The following CCDC83 variants were observed in gnomAD, a reference collection of about 807,000 sequenced individuals.
CCDC83 encodes the protein coiled-coil domain-containing protein 83.
CCDC83 carries 54 observed loss-of-function variants against 50.1 expected under a neutral mutation model. That is an observed-to-expected ratio of 1.08 (90% CI 0.87 to 1.35). CCDC83 has a LOEUF of 1.35. CCDC83 is among the 40% of genes most tolerant of loss of function. CCDC83 has a pLI of 0.00. For synonymous variants in CCDC83, 161 were observed against 153.3 expected (o/e 1.05, Z -0.37); for missense variants, 518 against 473.9 (o/e 1.09, Z -0.86).
Position 85,915,405 on chromosome 11 carries a change from AT to A in CCDC83, c.795-11del. On this transcript the variant is annotated splice_polypyrimidine_tract_variant and intron_variant, in intron 8 of 10. Coordinates refer to ENST00000342404, the MANE Select transcript of CCDC83 (RefSeq NM_001286159.2). Reference sequence around the variant, plus strand: ...TATTGACTGACAGATTGTTTTTCTCATTTGTTCTTTTAGGCGACTATATCTT... The same window carrying A: ...TATTGACTGACAGATTGTTTTTCTCATTGTTCTTTTAGGCGACTATATCTT... 6.3e-7 allele frequency: 1 copy of A among 1,592,858 alleles called. No individual in the cohort carries two copies. The highest frequency in any genetic ancestry group is 1.1e-5 in the South Asian group (1 of 89,104).
intron 3 of CCDC83, among the ~76,000 whole-genome samples, chr11:85,877,250 G>C (rs1459184549): frequency 1.3e-5 from 2 of 152,142 alleles, no homozygotes; most frequent in Non-Finnish European, 2.9e-5. Context: ...CAGGAGGATC[G>C]CTTGAGGCCA....
intron 2 of CCDC83, among the ~76,000 whole-genome samples, chr11:85,869,953 A>G (rs557742579): frequency 3.3e-5 from 5 of 152,272 alleles, no homozygotes; most frequent in African/African-American, 9.6e-5. Context: ...GAAGCTGCCA[A>G]AGCATTTAGG....
intron 3 of CCDC83, among the ~76,000 whole-genome samples, chr11:85,875,225 G>A (rs1296698897): frequency 1.3e-5 from 2 of 152,212 alleles, no homozygotes; most frequent in Non-Finnish European, 2.9e-5. Flanking sequence ...AATTAGGAAA[G>A]GGTAGGTATA....
In CCDC83 at chr11:85,895,100, C is replaced by G. The variant is rs114076660; in HGVS notation, c.512-193C>G. Among the ~76,000 whole-genome samples the G allele has an allele frequency of 3.6e-3, 520 of 143,774 alleles. 2 individuals are homozygous for G. The highest frequency in any genetic ancestry group is 0.013 in the African/African-American group (509 of 38,862). 94.3% of individuals were successfully genotyped at this position (143,774 alleles called of 152,430 possible). On this transcript the variant is annotated intron_variant, in intron 5 of 10. Coordinates refer to ENST00000342404, the MANE Select transcript of CCDC83 (RefSeq NM_001286159.2). Reference sequence around the variant, plus strand: ...CTTTCCTGGCCCAGGAAACATATGCCAAGAATAGTGGAAATCTAGTTAGAT... The same window carrying G: ...CTTTCCTGGCCCAGGAAACATATGCGAAGAATAGTGGAAATCTAGTTAGAT...
In CCDC83 at chr11:85,882,656, C is replaced by T; in HGVS notation, c.324C>T (p.Asp108=). 4 of 1,612,816 alleles carry T rather than the reference C, an allele frequency of 2.5e-6. No homozygotes were observed. The highest frequency in any genetic ancestry group is 3.4e-6 in the Non-Finnish European group (4 of 1,179,566). ...AMKEKWKFER[D]QEKNLRDMRM... ...AGGAAAAATGGAAGTTTGAAAGAGA[C>T]CAGGAAAAAAACTTGAGAGGTGATT... Residue 108 remains aspartate (D), a synonymous_variant, in exon 4 of 11, where the codon GAC becomes GAT. Coordinates refer to ENST00000342404, the MANE Select transcript of CCDC83 (RefSeq NM_001286159.2).
At chr11:85,908,669 G>A (rs1822952) in intron 7 of CCDC83, among the ~76,000 whole-genome samples, 4 of 151,348 alleles carry the variant, frequency 2.6e-5, no homozygotes, top group South Asian at 2.1e-4. Context: ...TCGGGAGGCC[G>A]AAGCAAGCAG....
At chr11:85,872,375 C>T (rs915595356) in intron 2 of CCDC83, among the ~76,000 whole-genome samples, 1 of 152,076 alleles carries the variant, frequency 6.6e-6, no homozygotes, top group East Asian at 1.9e-4. Flanking sequence ...ATCCCAGTTA[C>T]TCGGGAGGCT....
chr11:85,859,997 GAGA>G (rs952697372), intron 1 of CCDC83, among the ~76,000 whole-genome samples: 1 of 152,104 alleles, frequency 6.6e-6, no homozygotes, highest in African/African-American at 2.4e-5. Flanking sequence ...TTAAAAATAA[GAGA>G]AGGACAGGCT....
chr11:85,872,989 G>A (rs918935763), intron 2 of CCDC83, among the ~76,000 whole-genome samples: 3 of 143,810 alleles, frequency 2.1e-5, no homozygotes, highest in Non-Finnish European at 4.7e-5. Flanking sequence ...CATGAACAGG[G>A]ATTTTTTTTT....
chr11:85,859,558 C>T (rs1479108697), intron 1 of CCDC83, among the ~76,000 whole-genome samples: 2 of 152,132 alleles, frequency 1.3e-5, no homozygotes, highest in Non-Finnish European at 2.9e-5. Flanking sequence ...TCAATGATAA[C>T]AAACAATGGG....
intron 3 of CCDC83, among the ~76,000 whole-genome samples, chr11:85,882,167 T>A (rs1565141463): frequency 6.6e-6 from 1 of 151,998 alleles, no homozygotes; most frequent in East Asian, 1.9e-4. Flanking sequence ...TTCTAAAATG[T>A]CAGCCACCTT....
At chr11:85,915,626 C>T (rs894123124) in intron 9 of CCDC83, 128 bp downstream of exon 9, 2 of 633,668 alleles carry the variant, frequency 3.2e-6, no homozygotes, top group South Asian at 2.0e-5. Context: ...CACCTGCCAG[C>T]TTCTCTAAAT....
intron 6 of CCDC83, among the ~76,000 whole-genome samples, chr11:85,896,194 A>G (rs2093374263): frequency 1.3e-5 from 2 of 152,076 alleles, no homozygotes; most frequent in African/African-American, 4.8e-5. Flanking sequence ...TGAGAGGCCA[A>G]GGCGGGTGGA....
chr11:85,917,291 GAAAGAAAGA>G (rs2093486912), intron 10 of CCDC83, among the ~76,000 whole-genome samples: 1 of 145,376 alleles, frequency 6.9e-6, no homozygotes, highest in African/African-American at 2.5e-5. Flanking sequence ...AGGAAGGAAA[GAAAGAAAGA>G]AAAGAAAGAA....
intron 7 of CCDC83, among the ~76,000 whole-genome samples, chr11:85,902,711 G>A (rs1414636273): frequency 1.3e-5 from 2 of 152,068 alleles, no homozygotes; most frequent in Non-Finnish European, 2.9e-5. Flanking sequence ...AGTCACCCCT[G>A]TGTATACTCA....
At chr11:85,878,087 C>A (rs1344562727) in intron 3 of CCDC83, among the ~76,000 whole-genome samples, 1 of 151,954 alleles carries the variant, frequency 6.6e-6, no homozygotes, top group Non-Finnish European at 1.5e-5. Context: ...TGTTAATATT[C>A]ATTGGCCTTC....
At chr11:85,892,069 T>C (rs1327067369) in intron 5 of CCDC83, among the ~76,000 whole-genome samples, 3 of 152,182 alleles carry the variant, frequency 2.0e-5, no homozygotes, top group Admixed American at 1.3e-4. Flanking sequence ...ACAATGGAGC[T>C]ATGTGACCCC....
chr11:85,917,166 G>GAGAAAGAAAGAAAGAAAGAAAGAAAGAA (rs1554986880), intron 10 of CCDC83, among the ~76,000 whole-genome samples: 12 of 62,458 alleles, frequency 1.9e-4, no homozygotes, highest in South Asian at 5.0e-4. Flanking sequence ...GAGAGAGAGA[G>GAGAAAGAAAGAAAGAAAGAAAGAAAGAA]AGAAAGAAAG....
intron 7 of CCDC83, among the ~76,000 whole-genome samples, chr11:85,904,953 T>C (rs1293237717): frequency 6.6e-6 from 1 of 152,190 alleles, no homozygotes; most frequent in Admixed American, 6.5e-5. Flanking sequence ...GTTCATACTA[T>C]CTCCCCAAAC....
Sources: gnomAD v4.1 joint callset for allele counts (sites outside exome capture counted in the v4.1 genomes callset) on GRCh38, gnomAD v4.1.1 for gene constraint, MANE v1.5 for transcripts, NCBI Gene and HGNC (gene_info 2026-07-23, HGNC 2026-07-21) for gene names.